CACNA2D3: variants seen among roughly 807,000 people sequenced by gnomAD.
CACNA2D3 encodes calcium voltage-gated channel auxiliary subunit alpha2delta 3, also known as voltage-dependent calcium channel subunit alpha-2/delta-3.
CACNA2D3 carries 60 observed loss-of-function variants against 160.6 expected under a neutral mutation model. That is an observed-to-expected ratio of 0.37 (90% CI 0.30 to 0.46). The LOEUF (loss-of-function observed/expected upper bound fraction) is 0.46. CACNA2D3 is among the 20% of genes least tolerant of loss of function. The pLI, the probability that CACNA2D3 is intolerant of heterozygous loss-of-function variation, is 1.00. For missense variants in CACNA2D3, 1,205 were observed against 1,365.0 expected (o/e 0.88, Z 1.85); for synonymous variants, 558 against 492.9 (o/e 1.13, Z -1.75).
chr3:54,579,277 G>A (rs886901684), intron 8 of CACNA2D3, among the ~76,000 whole-genome samples: 1 of 152,120 alleles, frequency 6.6e-6, no homozygotes, highest in Non-Finnish European at 1.5e-5. Flanking sequence ...GAGGAAGGTG[G>A]CTGCAGCTTT....
In CACNA2D3 at chr3:54,896,854, G is replaced by A. The variant is rs757218822; in HGVS notation, c.2352G>A (p.Ser784=). The A allele has an allele frequency of 2.5e-6, 4 of 1,613,802 alleles. No homozygotes were observed. The highest frequency in any genetic ancestry group is 2.2e-5 in the South Asian group (2 of 91,076). Residue 784 remains serine, a synonymous_variant, in exon 26 of 38, where the codon TCG becomes TCA. Coordinates refer to ENST00000474759, the MANE Select transcript of CACNA2D3 (RefSeq NM_018398.3). The part of the protein sequence containing the change: ...AEQIPGSFVY[S]IPFSTGPVNK... ...AGATTCCAGGGAGCTTCGTCTACTC[G>A]ATCCCATTCAGCACTGGTGGGTGCC...
At chr3:54,999,393 GC>G (rs1279105175) in intron 31 of CACNA2D3, among the ~76,000 whole-genome samples, 1 of 152,108 alleles carries the variant, frequency 6.6e-6, no homozygotes, top group African/African-American at 2.4e-5. Context: ...GTTGAAAGCT[GC>G]CCCCAGAGGA....
At chr3:54,253,132 A>G (rs187369612) in intron 2 of CACNA2D3, among the ~76,000 whole-genome samples, 8 of 143,304 alleles carry the variant, frequency 5.6e-5, no homozygotes, top group Admixed American at 4.9e-4. Context: ...TGCTCAGATC[A>G]TCTTTGTTTT....
chr3:54,982,798 T>C (rs1382893044), intron 29 of CACNA2D3, among the ~76,000 whole-genome samples: 1 of 152,032 alleles, frequency 6.6e-6, no homozygotes, highest in Non-Finnish European at 1.5e-5. Context: ...CTTCTTGACA[T>C]TGCCGTGACA....
At chr3:54,356,418 G>T (rs1472823703) in intron 3 of CACNA2D3, among the ~76,000 whole-genome samples, 5 of 152,202 alleles carry the variant, frequency 3.3e-5, no homozygotes, top group Non-Finnish European at 2.9e-5. Flanking sequence ...TCAGGTCATT[G>T]CAAAGACACT....
intron 17 of CACNA2D3, among the ~76,000 whole-genome samples, chr3:54,866,427 A>T (rs536080289): frequency 3.9e-5 from 6 of 152,238 alleles, no homozygotes; most frequent in Admixed American, 3.3e-4. Flanking sequence ...GGAGAGAAAC[A>T]TCTGCCCCAG....
chr3:54,541,372 G>C (rs559816793), intron 5 of CACNA2D3, among the ~76,000 whole-genome samples: 1 of 151,912 alleles, frequency 6.6e-6, no homozygotes, highest in African/African-American at 2.4e-5. Flanking sequence ...TATAAAGATG[G>C]AGGCAGAAAT....
At chr3:54,860,013 C>CAA (rs1423030702) in intron 17 of CACNA2D3, among the ~76,000 whole-genome samples, 3 of 150,952 alleles carry the variant, frequency 2.0e-5, no homozygotes, top group Non-Finnish European at 4.4e-5. Context: ...CACACACACA[C>CAA]AAACACACAT....
intron 5 of CACNA2D3, among the ~76,000 whole-genome samples, chr3:54,505,128 C>T (rs569431691): frequency 6.6e-6 from 1 of 152,190 alleles, no homozygotes; most frequent in South Asian, 2.1e-4. Flanking sequence ...CCTGGTTTAC[C>T]TGTTATCCAT....
intron 3 of CACNA2D3, among the ~76,000 whole-genome samples, chr3:54,383,171 C>T (rs912272854): frequency 1.3e-5 from 2 of 152,154 alleles, no homozygotes; most frequent in African/African-American, 2.4e-5. Context: ...TGGTTTTCTT[C>T]TTAAATAACA....
intron 11 of CACNA2D3, among the ~76,000 whole-genome samples, chr3:54,646,184 C>CTTCCTTCCTTCCT (rs1699642192): frequency 6.0e-4 from 9 of 14,906 alleles, no homozygotes; most frequent in African/African-American, 1.9e-3. Flanking sequence ...CCCTCCCTCC[C>CTTCCTTCCTTCCT]TCCTTCCTTG....
At chr3:54,314,470 G>C (rs1319558643) in intron 2 of CACNA2D3, among the ~76,000 whole-genome samples, 5 of 152,210 alleles carry the variant, frequency 3.3e-5, no homozygotes, top group Admixed American at 2.0e-4. Context: ...TAGTTTCTTA[G>C]GGAATTGCCA....
intron 4 of CACNA2D3, among the ~76,000 whole-genome samples, chr3:54,440,201 T>C (rs1700121454): frequency 6.6e-6 from 1 of 152,234 alleles, no homozygotes; most frequent in Non-Finnish European, 1.5e-5. Flanking sequence ...TGGTTATACC[T>C]ACCTTAAAGG....
intron 11 of CACNA2D3, among the ~76,000 whole-genome samples, chr3:54,715,559 A>C (rs1701037817): frequency 1.3e-5 from 2 of 151,976 alleles, no homozygotes; most frequent in Admixed American, 1.3e-4. Flanking sequence ...CCAGTCCTCT[A>C]ATCAGATGGT....
chr3:54,708,694 C>T (rs17816548), intron 11 of CACNA2D3, among the ~76,000 whole-genome samples: 25,324 of 152,082 alleles, frequency 0.17, 2,385 homozygotes, highest in Non-Finnish European at 0.21. Flanking sequence ...TAAGTTAAGC[C>T]ATAATTTAAA....
chr3:54,911,541 A>C (rs1700556700), intron 27 of CACNA2D3, among the ~76,000 whole-genome samples: 1 of 151,056 alleles, frequency 6.6e-6, no homozygotes, highest in African/African-American at 2.4e-5. Context: ...TTTTCCTCCT[A>C]CCTACAACCA....
At chr3:54,220,850 G>C (rs1701554316) in intron 2 of CACNA2D3, among the ~76,000 whole-genome samples, 1 of 152,198 alleles carries the variant, frequency 6.6e-6, no homozygotes, top group Non-Finnish European at 1.5e-5. Flanking sequence ...TTGGCCCAGA[G>C]TAGGTTCTTA....
At chr3:54,155,516 C>A (rs1456317373) in intron 2 of CACNA2D3, among the ~76,000 whole-genome samples, 1 of 152,120 alleles carries the variant, frequency 6.6e-6, no homozygotes, top group Non-Finnish European at 1.5e-5. Flanking sequence ...CGGGAAGGGA[C>A]AACACTGGGA....
At chr3:54,988,198 C>T (rs1338957460) in intron 31 of CACNA2D3, among the ~76,000 whole-genome samples, 1 of 152,154 alleles carries the variant, frequency 6.6e-6, no homozygotes. Flanking sequence ...TTTAGAAAAT[C>T]AAGTGAAAAT....
Sources: allele counts gnomAD v4.1 joint callset (sites outside exome capture counted in the v4.1 genomes callset), GRCh38; gene constraint gnomAD v4.1.1; transcripts MANE v1.5; gene names NCBI Gene and HGNC (gene_info 2026-07-23, HGNC 2026-07-21).